RAPGEF2: variants seen among roughly 807,000 people sequenced by gnomAD.
RAPGEF2 encodes PDZ domain containing guanine nucleotide exchange factor (GEF) 1.
In RAPGEF2, 54 loss-of-function variants were observed where a neutral mutation model predicts 186.7. The observed-to-expected ratio is 0.29, with a 90% confidence interval of 0.23 to 0.36. The LOEUF (loss-of-function observed/expected upper bound fraction) is 0.36. RAPGEF2 is among the 10% of genes least tolerant of loss of function. The pLI, the probability that RAPGEF2 is intolerant of heterozygous loss-of-function variation, is 1.00. For synonymous variants in RAPGEF2, 712 were observed against 705.9 expected (o/e 1.01, Z -0.14); for missense variants, 1,532 against 2,045.0 (o/e 0.75, Z 4.84).
chr4:159,312,219 T>G (rs1401835963), intron 8 of RAPGEF2, among the ~76,000 whole-genome samples: 1 of 152,156 alleles, frequency 6.6e-6, no homozygotes, highest in African/African-American at 2.4e-5. Context: ...TTTTTAAAAT[T>G]TCTGTCTTTG....
chr4:159,346,492 CAT>C (rs895674743), intron 24 of RAPGEF2, among the ~76,000 whole-genome samples: 3 of 152,170 alleles, frequency 2.0e-5, no homozygotes, highest in African/African-American at 7.2e-5. Flanking sequence ...ATGGATATAA[CAT>C]ATTGAACTAC....
chr4:159,103,868 A>AGG lies in RAPGEF2; in HGVS notation c.-295_-294insGG, dbSNP rs1737461685. ...GGAGGAAGCCGGCGGAGCGGCGAGG[A>AGG]AGAGGAGGAGGAGGAGGAAGGGGAG... is the stretch of plus-strand genomic sequence containing the variant. On this transcript the variant is annotated 5_prime_UTR_variant, in exon 1 of 30. Transcript: ENST00000691494. 6.7e-6 allele frequency: 1 copy of AGG among 149,488 alleles called. No individual in the cohort carries two copies. The highest frequency in any genetic ancestry group is 1.5e-5 in the Non-Finnish European group (1 of 68,728). 9.3% of individuals were successfully genotyped at this position (149,488 alleles called of 1,614,324 possible). A position where few individuals can be genotyped will look rare whatever the true frequency, so the allele number is the denominator to read the frequency against.
intron 4 of RAPGEF2, chr4:159,228,265 G>C (rs1752247746): frequency 6.6e-6 from 1 of 152,302 alleles, no homozygotes; most frequent in Non-Finnish European, 1.5e-5. Context: ...GGGGAAATGG[G>C]GAGTGCTCAG....
At chr4:159,320,906 T>C (rs1765161270) in intron 9 of RAPGEF2, among the ~76,000 whole-genome samples, 1 of 152,122 alleles carries the variant, frequency 6.6e-6, no homozygotes, top group South Asian at 2.1e-4. Context: ...AATGATGTCA[T>C]GACTATTATA....
chr4:159,108,783 G>T (rs12499610), intron 1 of RAPGEF2, among the ~76,000 whole-genome samples: 27,424 of 152,056 alleles, frequency 0.18, 2,541 homozygotes, highest in Admixed American at 0.24. Context: ...TTGCTTTGTT[G>T]CCCGGGCTCA....
At chr4:159,315,222 A>C (rs1579903167) in intron 9 of RAPGEF2, among the ~76,000 whole-genome samples, 1 of 152,110 alleles carries the variant, frequency 6.6e-6, no homozygotes, top group Non-Finnish European at 1.5e-5. Context: ...AGGAGACAGC[A>C]AAATGTCAGG....
chr4:159,233,293 C>A (rs952896415), intron 4 of RAPGEF2, among the ~76,000 whole-genome samples: 15 of 152,148 alleles, frequency 9.9e-5, no homozygotes, highest in Non-Finnish European at 1.6e-4. Context: ...TTGGCTCTTA[C>A]ATTTAGCTTG....
intron 23 of RAPGEF2, among the ~76,000 whole-genome samples, chr4:159,344,579 G>T (rs1014342559): frequency 4.6e-5 from 7 of 151,990 alleles, no homozygotes; most frequent in Non-Finnish European, 7.4e-5. Flanking sequence ...TGTGCTCAAT[G>T]GTTTCCATAC....
intron 4 of RAPGEF2, among the ~76,000 whole-genome samples, chr4:159,219,387 G>A (rs1157528990): frequency 3.7e-5 from 4 of 107,168 alleles, no homozygotes; most frequent in African/African-American, 1.5e-4. Flanking sequence ...ACGGAGTCTT[G>A]CTCTGTTGCT....
At chr4:159,221,853 G>GAA (rs1751572430) in intron 4 of RAPGEF2, among the ~76,000 whole-genome samples, 1 of 152,158 alleles carries the variant, frequency 6.6e-6, no homozygotes, top group Non-Finnish European at 1.5e-5. Context: ...ATAAGGCAAA[G>GAA]AAAATGATGA....
chr4:159,112,897 T>C (rs1203545684), intron 1 of RAPGEF2, among the ~76,000 whole-genome samples: 1 of 152,116 alleles, frequency 6.6e-6, no homozygotes, highest in Non-Finnish European at 1.5e-5. Context: ...ACTGGTAATA[T>C]CAAATTAACC....
At chr4:159,341,370 A>G (rs964180168) in intron 19 of RAPGEF2, among the ~76,000 whole-genome samples, 194 bp from the exon 20 acceptor site, 3 of 152,218 alleles carry the variant, frequency 2.0e-5, no homozygotes, top group Non-Finnish European at 4.4e-5. Flanking sequence ...TCTACCACCT[A>G]CTTCTGGATA....
chr4:159,283,363 G>T (rs1284536784), intron 7 of RAPGEF2, among the ~76,000 whole-genome samples: 1 of 152,070 alleles, frequency 6.6e-6, no homozygotes, highest in Non-Finnish European at 1.5e-5. Flanking sequence ...ATGTCGAAAT[G>T]TCAAAGCTTG....
rs540912033 is a variant in RAPGEF2, at chr4:159,120,321, A to G, written c.69+16090A>G. ...AGGCGTGAGCCATTGCACCCAGCCAAATCATCACTTCTTATAAGTATATAT... is the reference window on the plus strand; with the variant it reads ...AGGCGTGAGCCATTGCACCCAGCCAGATCATCACTTCTTATAAGTATATAT... On this transcript the variant is annotated intron_variant, in intron 1 of 29. Transcript: ENST00000691494. Among the ~76,000 whole-genome samples the G allele has an allele frequency of 3.4e-4, 44 of 127,570 alleles. No homozygotes were observed. The South Asian group carries it at 4.2e-3, about 12-fold the overall frequency. 83.7% of individuals were successfully genotyped at this position (127,570 alleles called of 152,430 possible). A position where few individuals can be genotyped will look rare whatever the true frequency, so the allele number is the denominator to read the frequency against.
chr4:159,153,108 T>G (rs889687767), intron 1 of RAPGEF2, among the ~76,000 whole-genome samples: 2 of 152,230 alleles, frequency 1.3e-5, no homozygotes, highest in African/African-American at 4.8e-5. Context: ...TTATTTGCCT[T>G]TATCAAACAA....
At position 159,103,315 on chromosome 4, in the gene RAPGEF2, C is replaced by T. The variant is rs552237499; in HGVS notation, c.-848C>T. 2 of 151,968 alleles carry T rather than the reference C, an allele frequency of 1.3e-5. No homozygotes were observed. The highest frequency in any genetic ancestry group is 4.8e-5 in the African/African-American group (2 of 41,290). The allele number at this position is 151,968 out of a possible 1,614,324, so 9.4% of individuals were successfully genotyped here. On this transcript the variant is annotated 5_prime_UTR_variant, in exon 1 of 30. Coordinates refer to ENST00000691494, the MANE Select transcript of RAPGEF2 (RefSeq NM_001394067.2). ...TGCCGAGAGCGACTGGGCCGGAGGG[C>T]TGCAGCCCGGGCCGGGTGCTCTGGC... is the stretch of plus-strand genomic sequence containing the variant.
intron 1 of RAPGEF2, among the ~76,000 whole-genome samples, chr4:159,154,599 T>C (rs1743920922): frequency 6.6e-6 from 1 of 151,904 alleles, no homozygotes; most frequent in Non-Finnish European, 1.5e-5. Context: ...GATCAAATGG[T>C]TAGTGATTGA....
chr4:159,349,283 A>C (rs529350764), intron 25 of RAPGEF2, among the ~76,000 whole-genome samples: 1 of 152,360 alleles, frequency 6.6e-6, no homozygotes, highest in Admixed American at 6.5e-5. Context: ...CACTAATTTG[A>C]GGTAGTTTCA....
At chr4:159,112,402 G>A (rs1738595852) in intron 1 of RAPGEF2, among the ~76,000 whole-genome samples, 1 of 151,996 alleles carries the variant, frequency 6.6e-6, no homozygotes, top group South Asian at 2.1e-4. Flanking sequence ...CATAATGGAA[G>A]TAGTAAGGTT....
Sources: gnomAD v4.1 joint callset for allele counts (sites outside exome capture counted in the v4.1 genomes callset) on GRCh38, gnomAD v4.1.1 for gene constraint, MANE v1.5 for transcripts, NCBI Gene and HGNC (gene_info 2026-07-23, HGNC 2026-07-21) for gene names.